The following EFHD1 variants were observed in gnomAD, a reference collection of about 807,000 sequenced individuals.
EFHD1 encodes EF-hand domain family member D1.
Under a neutral mutation model 17.2 loss-of-function variants are expected in EFHD1, and 10 were observed. The observed-to-expected ratio is 0.58, with a 90% CI of 0.36 to 0.99. The LOEUF (loss-of-function observed/expected upper bound fraction) is 0.99. Ranked by LOEUF, EFHD1 falls within the 50% of genes least tolerant of loss-of-function variation. The pLI is 0.01. For missense variants in EFHD1, 310 were observed against 327.5 expected (o/e 0.95, Z 0.41); for synonymous variants, 153 against 142.0 (o/e 1.08, Z -0.55).
intron 1 of EFHD1, among the ~76,000 whole-genome samples, chr2:232,613,197 G>A (rs1198042609): frequency 6.6e-6 from 1 of 152,022 alleles, no homozygotes; most frequent in African/African-American, 2.4e-5. Context: ...GCCGACGTGG[G>A]TGGATCACTT....
intron 2 of EFHD1, among the ~76,000 whole-genome samples, chr2:232,668,825 G>T (rs1368781705): frequency 6.6e-6 from 1 of 151,900 alleles, no homozygotes; most frequent in Non-Finnish European, 1.5e-5. Flanking sequence ...GTAGAGATGG[G>T]GTTTCACCAT....
chr2:232,654,779 C>G (rs1694729314), intron 1 of EFHD1, among the ~76,000 whole-genome samples: 1 of 152,136 alleles, frequency 6.6e-6, no homozygotes, highest in Admixed American at 6.5e-5. Flanking sequence ...GCCTCTTGTC[C>G]CTCACATGTG....
At position 232,681,517 on chromosome 2, in the gene EFHD1, G is replaced by A. The variant is rs1267465810; in HGVS notation, c.586-68G>A. 1.3e-5 allele frequency: 20 copies of A among 1,568,688 alleles called. No individual in the cohort carries two copies. The African/African-American group carries it at 1.5e-4, about 12-fold the overall frequency. ...TCTGCTGAATGGGCTGTTGGCTCAG[G>A]TGTCAGCAGCTCCAGGGTCCTCTGC... On this transcript the variant is annotated intron_variant, in intron 3 of 3. Transcript: ENST00000264059.
intron 1 of EFHD1, among the ~76,000 whole-genome samples, chr2:232,616,436 T>C (rs1319855172): frequency 1.3e-5 from 2 of 152,028 alleles, no homozygotes; most frequent in East Asian, 3.9e-4. Flanking sequence ...GTAGCTGGGA[T>C]TACAGGCACA....
chr2:232,636,653 G>T (rs934861952), intron 1 of EFHD1, among the ~76,000 whole-genome samples: 1 of 151,808 alleles, frequency 6.6e-6, no homozygotes, highest in Admixed American at 6.6e-5. Context: ...GTGAAACCCC[G>T]TCTCTACTAA....
intron 1 of EFHD1, among the ~76,000 whole-genome samples, chr2:232,634,322 G>T (rs1194329019): frequency 2.0e-5 from 3 of 150,162 alleles, no homozygotes; most frequent in African/African-American, 7.3e-5. Flanking sequence ...CCGGAGATTT[G>T]CTCCGAAAGC....
At chr2:232,628,279 T>G (rs902565075) in intron 1 of EFHD1, among the ~76,000 whole-genome samples, 2 of 152,188 alleles carry the variant, frequency 1.3e-5, no homozygotes, top group Non-Finnish European at 2.9e-5. Flanking sequence ...CAGGCTGGTC[T>G]TGAACTCTTG....
At chr2:232,625,883 T>A (rs1421768549) in intron 1 of EFHD1, among the ~76,000 whole-genome samples, 2 of 152,054 alleles carry the variant, frequency 1.3e-5, no homozygotes. Context: ...TAAAAAAAAA[T>A]TAATTGCATT....
chr2:232,634,070 C>A, intron 1 of EFHD1, 64 bp downstream of exon 1: 1 of 1,580,554 alleles, frequency 6.3e-7, no homozygotes, highest in South Asian at 1.1e-5. Flanking sequence ...GCTTTCTGGT[C>A]CGAAGTCCCG....
At chr2:232,665,310 G>A (rs984619107) in intron 2 of EFHD1, among the ~76,000 whole-genome samples, 1 of 152,196 alleles carries the variant, frequency 6.6e-6, no homozygotes, top group Admixed American at 6.5e-5. Flanking sequence ...ACTATCAGGT[G>A]TCTTCCATGG....
intron 2 of EFHD1, among the ~76,000 whole-genome samples, chr2:232,667,697 C>T (rs1374799598): frequency 6.6e-6 from 1 of 152,058 alleles, no homozygotes; most frequent in Non-Finnish European, 1.5e-5. Context: ...GGATTACAAG[C>T]ATGCGGCACC....
At chr2:232,615,312 AGTG>A (rs1693905563) in intron 1 of EFHD1, among the ~76,000 whole-genome samples, 1 of 136,476 alleles carries the variant, frequency 7.3e-6, no homozygotes, top group African/African-American at 2.7e-5. Context: ...TGTCAACTAT[AGTG>A]TGTGTGTGTG....
At chr2:232,645,509 C>T (rs1175859985) in intron 1 of EFHD1, among the ~76,000 whole-genome samples, 1 of 152,204 alleles carries the variant, frequency 6.6e-6, no homozygotes, top group Non-Finnish European at 1.5e-5. Flanking sequence ...TCACTCTTTG[C>T]CCACGAGGAC....
chr2:232,656,644 C>T (rs1352887559), intron 1 of EFHD1, among the ~76,000 whole-genome samples: 1 of 151,768 alleles, frequency 6.6e-6, no homozygotes, highest in Non-Finnish European at 1.5e-5. Context: ...ACTATGTTGC[C>T]CAGGCTTGTC....
chr2:232,614,199 CAT>C (rs150365092), intron 1 of EFHD1, among the ~76,000 whole-genome samples: 8,621 of 152,090 alleles, frequency 0.057, 587 homozygotes, highest in African/African-American at 0.17. Flanking sequence ...CACACACACA[CAT>C]ATATATTTCT....
rs1695094323 is a variant in EFHD1 at position 232,672,454 on chromosome 2, A to T, written c.585+11A>T. On this transcript the variant is annotated intron_variant, in intron 3 of 3. Coordinates refer to ENST00000264059, the MANE Select transcript of EFHD1 (RefSeq NM_025202.4). Reference sequence around the variant, plus strand: ...TTCTTTGAAGCCAAGGTAGGTGCTTAGTTCCTTCTGTGAGGAGCAACCACT... The same window carrying T: ...TTCTTTGAAGCCAAGGTAGGTGCTTTGTTCCTTCTGTGAGGAGCAACCACT... The T allele has an allele frequency of 6.3e-7, 1 of 1,580,678 alleles. No homozygotes were observed. The highest frequency in any genetic ancestry group is 2.2e-5 in the East Asian group (1 of 44,736).
chr2:232,628,088 T>G (rs193245064), intron 1 of EFHD1, among the ~76,000 whole-genome samples: 3 of 152,178 alleles, frequency 2.0e-5, no homozygotes, highest in Admixed American at 1.3e-4. Context: ...TGAGATGGAG[T>G]CTCACTCTGT....
intron 1 of EFHD1, among the ~76,000 whole-genome samples, chr2:232,619,101 C>T (rs529019046): frequency 2.6e-5 from 4 of 151,602 alleles, no homozygotes; most frequent in African/African-American, 4.8e-5. Flanking sequence ...TGCAGTGAGC[C>T]GAGATCGCGC....
upstream of EFHD1, among the ~76,000 whole-genome samples, chr2:232,630,289 A>G (rs1207774909): frequency 6.6e-6 from 1 of 152,204 alleles, no homozygotes; most frequent in Non-Finnish European, 1.5e-5. Flanking sequence ...GCCCGACTGG[A>G]CATCGGAAAA....
Sources: allele counts gnomAD v4.1 joint callset (sites outside exome capture counted in the v4.1 genomes callset), GRCh38; gene constraint gnomAD v4.1.1; transcripts MANE v1.5; gene names NCBI Gene and HGNC (gene_info 2026-07-23, HGNC 2026-07-21).